Variants in AKAP12 observed in about 807,000 individuals in gnomAD.
AKAP12 encodes the protein A-kinase anchoring protein 12.
Under a neutral mutation model 79.9 loss-of-function variants are expected in AKAP12, and 32 were observed. The observed-to-expected ratio is 0.40, with a 90% CI of 0.30 to 0.54. The LOEUF is 0.54. Among genes scored for constraint, AKAP12 ranks in the 20% least tolerant of loss-of-function variants. AKAP12 has a pLI of 0.48. For synonymous variants in AKAP12, 808 were observed against 857.0 expected, an observed-to-expected ratio of 0.94 and a Z score of 1.00; for missense variants, 2,074 against 2,177.0, an observed-to-expected ratio of 0.95 and a Z score of 0.94.
At chr6:151,249,955 C>G (rs1427818027) in intron 2 of AKAP12, among the ~76,000 whole-genome samples, 1 of 152,134 alleles carries the variant, frequency 6.6e-6, no homozygotes, top group African/African-American at 2.4e-5. Flanking sequence ...GGCATGGTGG[C>G]TCACACCTGG....
At chr6:151,339,930 T>C (rs562377536) in intron 3 of AKAP12, among the ~76,000 whole-genome samples, 1 of 152,186 alleles carries the variant, frequency 6.6e-6, no homozygotes, top group East Asian at 1.9e-4. Context: ...ATTTTTCTTT[T>C]TTTTTTTCTT....
chr6:151,309,463 A>G (rs377199193), intron 3 of AKAP12, among the ~76,000 whole-genome samples: 2 of 152,318 alleles, frequency 1.3e-5, no homozygotes, highest in African/African-American at 2.4e-5. Context: ...TTTACTTTAC[A>G]GTGGCAGACA....
chr6:151,269,586 GA>G (rs1481759753), intron 2 of AKAP12, among the ~76,000 whole-genome samples: 1 of 152,162 alleles, frequency 6.6e-6, no homozygotes, highest in African/African-American at 2.4e-5. Context: ...AATAGGAAAT[GA>G]ATACTCTGGA....
intron 3 of AKAP12, among the ~76,000 whole-genome samples, chr6:151,309,440 C>G (rs1777044322): frequency 6.6e-6 from 1 of 152,096 alleles, no homozygotes; most frequent in Non-Finnish European, 1.5e-5. Flanking sequence ...AGGGCCATTC[C>G]TACTGGAGGG....
Position 151,351,486 on chromosome 6 carries a change from TAGA to T in AKAP12, c.3099_3101del (p.Glu1034del). 1.2e-6 allele frequency: 2 copies of T among 1,614,060 alleles called. No homozygotes were observed. The highest frequency in any genetic ancestry group is 1.7e-6 in the Non-Finnish European group (2 of 1,180,012). On this transcript the variant is annotated inframe_deletion, in exon 4 of 5. Coordinates refer to ENST00000402676, the MANE Select transcript of AKAP12 (RefSeq NM_005100.4). This position sits in a 1 kb window ranked among gnomAD's most constrained non-coding sequence, Gnocchi z 4.4. ...GAGGTGGAAGGTGGCGTACCTGACA[TAGA>T]AGAGCAAGAGAGGCGGACTCAAGAG...
chr6:151,304,870 C>T (rs1410838500), intron 2 of AKAP12, among the ~76,000 whole-genome samples: 1 of 151,138 alleles, frequency 6.6e-6, no homozygotes, highest in East Asian at 2.0e-4. Context: ...CCACGCCCGG[C>T]CATGCCTGCT....
At chr6:151,276,172 A>G (rs918856146) in intron 2 of AKAP12, among the ~76,000 whole-genome samples, 1 of 152,166 alleles carries the variant, frequency 6.6e-6, no homozygotes, top group East Asian at 1.9e-4. Context: ...AGAACAAAAA[A>G]TCTTGTACTT....
chr6:151,240,714 C>T lies in AKAP12; in HGVS notation c.152C>T (p.Pro51Leu), dbSNP rs1217654400. ...GACCCCGCCATCGCTGCCTCGGACC[C>T]CGCCACCAAGGTACGGGCGTGCCGG... ...TADPAIAASD[P>L]ATKLLQKNGQ... The change falls in exon 2 of 5, where the codon CCC becomes CTC. Residue 51 changes from proline to leucine, a missense_variant. Physicochemically the swap from Pro to Leu is moderately conservative, Grantham distance 98 (BLOSUM62 -3). Transcript: ENST00000402676. 5 of 1,272,574 alleles carry T rather than the reference C, an allele frequency of 3.9e-6. No homozygotes were observed. Among genetic ancestry groups the T allele is most frequent in the Non-Finnish European group, 4.9e-6 (5 of 1,011,534 alleles). The allele number at this position is 1,272,574 out of a possible 1,614,324, so 78.8% of individuals were successfully genotyped here. A position where few individuals can be genotyped will look rare whatever the true frequency, so the allele number is the denominator to read the frequency against.
chr6:151,353,543 G>A lies in AKAP12; in HGVS notation c.5152G>A (p.Asp1718Asn), dbSNP rs1263259166. Residue 1718 changes from aspartate (D) to asparagine (N), a missense_variant, in exon 4 of 5, where the codon GAT (aspartate) becomes AAT (asparagine). Asp to Asn is a conservative substitution (Grantham distance 23, BLOSUM62 1). Around this residue, in one of 3 missense-constraint regions of AKAP12, gnomAD observed 614 missense variants for 665.6 expected, o/e 0.92. Transcript: ENST00000402676. ...CCAGAACTCAGCCCTGGCTGATACT[G>A]ATGCCTCAGGAGGCTTAACCAAAGA... ...ENQNSALADT[D>N]ASGGLTKESP... 4 of 1,614,170 alleles carry A rather than the reference G, an allele frequency of 2.5e-6. No homozygotes were observed. The highest frequency in any genetic ancestry group is 2.5e-6 in the Non-Finnish European group (3 of 1,180,026).
At chr6:151,325,918 C>A in intron 3 of AKAP12, 1 of 1,614,168 alleles carries the variant, frequency 6.2e-7, no homozygotes, top group Non-Finnish European at 8.5e-7. Flanking sequence ...TTTGTCCTCC[C>A]TGGACGGCAG....
At chr6:151,348,678 T>TCTTCC in intron 3 of AKAP12, 33 bp from the exon 4 acceptor site, 3 of 374,894 alleles carry the variant, frequency 8.0e-6, no homozygotes, top group South Asian at 2.8e-5. Context: ...CCTTTTCTCT[T>TCTTCC]CTCCCCACCC....
intron 3 of AKAP12, among the ~76,000 whole-genome samples, chr6:151,344,306 A>G (rs970246314): frequency 6.6e-6 from 1 of 152,206 alleles, no homozygotes; most frequent in African/African-American, 2.4e-5. Context: ...TGGTGAGTCT[A>G]TGGCATCACC....
intron 2 of AKAP12, among the ~76,000 whole-genome samples, chr6:151,272,680 C>T (rs957302902): frequency 6.6e-6 from 1 of 152,104 alleles, no homozygotes; most frequent in Non-Finnish European, 1.5e-5. Flanking sequence ...GGATTACAGG[C>T]ATGTGCTGCC....
At chr6:151,291,652 T>G (rs1203339278) in intron 2 of AKAP12, among the ~76,000 whole-genome samples, 1 of 152,244 alleles carries the variant, frequency 6.6e-6, no homozygotes, top group Non-Finnish European at 1.5e-5. Context: ...GAAAGCCATT[T>G]CAATTTATCA....
chr6:151,291,179 C>G (rs955177413), intron 2 of AKAP12, among the ~76,000 whole-genome samples: 4 of 152,162 alleles, frequency 2.6e-5, no homozygotes, highest in Non-Finnish European at 5.9e-5. Context: ...TTGGAATCAC[C>G]TGGGGGAGCC....
Position 151,349,797 on chromosome 6 carries a change from CGT to C in AKAP12, c.1411_1412del (p.Val471PhefsTer10), listed in dbSNP as rs1303767244. ...AAGGAGCTGGTGAAGCTCAAAGAAA[CGT>C]GTGTTTCCGGAGAGGACCCTACACA... On this transcript the variant is annotated frameshift_variant, in exon 4 of 5. Transcript: ENST00000402676. LOFTEE classifies it high-confidence loss of function. 5.0e-6 allele frequency: 8 copies of C among 1,613,898 alleles called. No individual in the cohort carries two copies. Among genetic ancestry groups the C allele is most frequent in the Non-Finnish European group, 6.8e-6 (8 of 1,179,984 alleles).
intron 2 of AKAP12, among the ~76,000 whole-genome samples, chr6:151,283,205 A>G (rs1776440882): frequency 6.6e-6 from 1 of 152,222 alleles, no homozygotes; most frequent in Admixed American, 6.5e-5. Flanking sequence ...ACTCAAAGGC[A>G]GGGAGATCAG....
rs1321456441 is a variant in AKAP12, at chr6:151,349,376, G to C, written c.985G>C (p.Glu329Gln). 1.2e-6 allele frequency: 2 copies of C among 1,613,926 alleles called. No homozygotes were observed. Among genetic ancestry groups the C allele is most frequent in the South Asian group, 1.1e-5 (1 of 91,068 alleles). Residue 329 changes from glutamate (E) to glutamine (Q), a missense_variant, in exon 4 of 5, where the codon GAA becomes CAA. By Grantham distance (29) the Glu-to-Gln change is conservative (BLOSUM62 2). Transcript: ENST00000402676. ...DEVEASEKKK[E>Q]QEPEKVDTEE... ...AGTGGAAGCTTCAGAGAAGAAAAAG[G>C]AACAAGAGCCAGAAAAAGTAGACAC...
At chr6:151,325,828 G>A (rs1326639017) in intron 3 of AKAP12, 4 of 1,614,094 alleles carry the variant, frequency 2.5e-6, no homozygotes, top group East Asian at 2.2e-5. Context: ...GACCCGCTAA[G>A]CTGATCTCCT....
Sources: allele counts gnomAD v4.1 joint callset (sites outside exome capture counted in the v4.1 genomes callset), GRCh38; gene constraint gnomAD v4.1.1; regional missense constraint gnomAD v4.1.1; non-coding constraint Gnocchi (gnomAD v3.1); transcripts MANE v1.5; gene names NCBI Gene and HGNC (gene_info 2026-07-23, HGNC 2026-07-21).